The following GDI2 variants were observed in gnomAD, a reference collection of about 807,000 sequenced individuals.
GDI2 encodes the protein GDP dissociation inhibitor 2.
A neutral mutation model predicts 54.2 loss-of-function variants in GDI2; 22 were observed. The observed-to-expected ratio is 0.41, with a 90% CI of 0.29 to 0.58. The LOEUF (loss-of-function observed/expected upper bound fraction) is 0.58. GDI2 is among the 20% of genes least tolerant of loss of function. The pLI is 0.35. For missense variants in GDI2, 422 were observed against 546.0 expected (o/e 0.77, Z 2.26); for synonymous variants, 177 against 182.1 (o/e 0.97, Z 0.23).
intron 2 of GDI2, 56 bp from the exon 3 acceptor site, chr10:5,796,918 A>G: frequency 1.2e-6 from 1 of 811,254 alleles, no homozygotes; most frequent in Non-Finnish European, 2.1e-6. Flanking sequence ...TTTTTATTAC[A>G]ATATGTACAT....
intron 6 of GDI2, among the ~76,000 whole-genome samples, chr10:5,779,831 T>A (rs1372660795): frequency 6.6e-6 from 1 of 151,984 alleles, no homozygotes; most frequent in Non-Finnish European, 1.5e-5. Flanking sequence ...TAGCTGGGAC[T>A]ACAGGCATGC....
chr10:5,780,318 CAT>C (rs1840727440), intron 6 of GDI2, among the ~76,000 whole-genome samples: 1 of 134,936 alleles, frequency 7.4e-6, no homozygotes, highest in Non-Finnish European at 1.6e-5. Flanking sequence ...CTATAGAAAA[CAT>C]ATTTAATAGT....
chr10:5,811,760 C>A, intron 1 of GDI2: 1 of 321,500 alleles, frequency 3.1e-6, no homozygotes. Flanking sequence ...AGGATTATTC[C>A]TGGATTGGTC....
At chr10:5,805,093 A>G (rs1357452032) in intron 1 of GDI2, among the ~76,000 whole-genome samples, 3 of 151,936 alleles carry the variant, frequency 2.0e-5, no homozygotes, top group Non-Finnish European at 2.9e-5. Context: ...CAGCCTCCCA[A>G]AGTGCTGTGA....
chr10:5,812,921 C>T (rs1841507540), intron 1 of GDI2, among the ~76,000 whole-genome samples: 1 of 152,238 alleles, frequency 6.6e-6, no homozygotes, highest in African/African-American at 2.4e-5. Flanking sequence ...CCCCTCCCCT[C>T]CGCTTCCGCT....
intron 1 of GDI2, among the ~76,000 whole-genome samples, chr10:5,802,322 C>T (rs963331380): frequency 3.3e-5 from 5 of 152,056 alleles, no homozygotes; most frequent in Non-Finnish European, 4.4e-5. Context: ...AAAACTTGGC[C>T]GGGCACAGCT....
intron 1 of GDI2, among the ~76,000 whole-genome samples, chr10:5,804,476 C>T (rs1175216829): frequency 6.6e-6 from 1 of 152,170 alleles, no homozygotes; most frequent in Admixed American, 6.6e-5. Context: ...ATCATAACCA[C>T]CACCATCCCC....
At chr10:5,809,396 A>G (rs1841443464) in intron 1 of GDI2, among the ~76,000 whole-genome samples, 1 of 152,176 alleles carries the variant, frequency 6.6e-6, no homozygotes, top group Non-Finnish European at 1.5e-5. Flanking sequence ...TTCTGTTTCA[A>G]GCAAAACAAA....
chr10:5,780,087 T>C (rs1303357025), intron 6 of GDI2, among the ~76,000 whole-genome samples: 1 of 151,868 alleles, frequency 6.6e-6, no homozygotes, highest in Non-Finnish European at 1.5e-5. Context: ...TGCATGCCTG[T>C]AGTCCCTACT....
At chr10:5,783,750 G>C (rs1840810990) in intron 6 of GDI2, among the ~76,000 whole-genome samples, 4 of 152,158 alleles carry the variant, frequency 2.6e-5, no homozygotes, top group Admixed American at 2.0e-4. Context: ...GATAACTTAA[G>C]GAGGCTCAAG....
intron 1 of GDI2, among the ~76,000 whole-genome samples, chr10:5,801,383 T>C (rs1841266598): frequency 6.6e-6 from 1 of 152,162 alleles, no homozygotes; most frequent in Admixed American, 6.5e-5. Flanking sequence ...CATTTAAGGA[T>C]GTCCTTGATA....
At chr10:5,789,624 C>T (rs1316906294) in intron 4 of GDI2, among the ~76,000 whole-genome samples, 1 of 152,080 alleles carries the variant, frequency 6.6e-6, no homozygotes, top group Non-Finnish European at 1.5e-5. Context: ...AGATGAACCG[C>T]ATAGCCTAGA....
intron 4 of GDI2, among the ~76,000 whole-genome samples, chr10:5,789,120 T>C (rs78823606): frequency 0.043 from 6,481 of 151,696 alleles, 650 homozygotes; most frequent in East Asian, 0.42. Flanking sequence ...TTTTTTTTTT[T>C]CCTTTTTGAG....
intron 2 of GDI2, among the ~76,000 whole-genome samples, chr10:5,799,734 T>C (rs61636951): frequency 1.3e-5 from 2 of 152,198 alleles, no homozygotes; most frequent in South Asian, 4.1e-4. Flanking sequence ...CACTGGGAAA[T>C]TTGAATATGG....
Position 5,768,546 on chromosome 10 carries a change from C to T in GDI2, c.820-162G>A. 2 of 596,626 alleles carry T rather than the reference C, an allele frequency of 3.4e-6. No homozygotes were observed. Among genetic ancestry groups the T allele is most frequent in the Non-Finnish European group, 5.9e-6 (2 of 337,468 alleles). 37.0% of individuals were successfully genotyped at this position (596,626 alleles called of 1,614,324 possible). On this transcript the variant is annotated intron_variant, in intron 7 of 10. Transcript: ENST00000380191. The surrounding 1 kb of genome is among the most constrained non-coding windows in gnomAD (Gnocchi z 4.4). ...TGAATTCTGGAACAACCAAAACAAT[C>T]TTAAAAGAAGAACAGCAAAGCTGGA...
rs531926886 is a variant in GDI2 at position 5,785,211 on chromosome 10, G to C, written c.650C>G (p.Ala217Gly). The C allele has an allele frequency of 1.2e-6, 2 of 1,606,116 alleles. No individual in the cohort carries two copies. The highest frequency in any genetic ancestry group is 2.2e-5 in the South Asian group (2 of 90,828). Reference protein sequence around the residue: ...NRIKLYSESLARYGKSPYLYP... With the variant: ...NRIKLYSESLGRYGKSPYLYP... ...AAGGTATGGGCTTTTGCCATATCTT[G>C]CCAAAGATTCACTGTAAAGTTTAAT... The change falls in exon 6 of 11, where the codon GCA becomes GGA. Residue 217 changes from alanine (A) to glycine (G), a missense_variant. Ala to Gly is a moderately conservative substitution (Grantham distance 60). Transcript: ENST00000380191.
At chr10:5,790,816 T>C (rs184450566) in intron 4 of GDI2, among the ~76,000 whole-genome samples, 1 of 152,188 alleles carries the variant, frequency 6.6e-6, no homozygotes, top group East Asian at 1.9e-4. Flanking sequence ...ACTCACTTCT[T>C]CCAAACTCTT....
chr10:5,778,285 AAAAAGTAT>A (rs1840671796), intron 6 of GDI2, among the ~76,000 whole-genome samples: 1 of 152,244 alleles, frequency 6.6e-6, no homozygotes, highest in Non-Finnish European at 1.5e-5. Context: ...ATAATTTAAA[AAAAAGTAT>A]AAAAGTATGT....
Position 5,813,197 on chromosome 10 carries a change from TCAGCCCTGGCGCCC to T in GDI2, c.45+3_45+16del, listed in dbSNP as rs754103413. 4.2e-5 allele frequency: 65 copies of T among 1,542,434 alleles called. No individual in the cohort carries two copies. The highest frequency in any genetic ancestry group is 9.7e-6 in the Non-Finnish European group (11 of 1,138,784). On this transcript the variant is annotated splice_donor_5th_base_variant and intron_variant, in intron 1 of 10. Transcript: ENST00000380191. The stretch of plus-strand genomic sequence containing the variant: ...GCCCCGGCTGCTCAGCCCCGGCCCC[TCAGCCCTGGCGCCC>T]ACCGTCAGGCCGGTGCCCAGCACGA...
Sources: gnomAD v4.1 joint callset for allele counts (sites outside exome capture counted in the v4.1 genomes callset) on GRCh38, gnomAD v4.1.1 for gene constraint, Gnocchi (gnomAD v3.1) non-coding constraint, MANE v1.5 for transcripts, NCBI Gene and HGNC (gene_info 2026-07-23, HGNC 2026-07-21) for gene names.